NALF1: variants seen among roughly 807,000 people sequenced by gnomAD.
NALF1 encodes family with sequence similarity 155 member A.
A neutral mutation model predicts 48.4 loss-of-function variants in NALF1; 3 were observed. The ratio of observed to expected loss-of-function variants is 0.06; its 90% CI spans 0.03 to 0.16. The LOEUF is 0.16. Ranked by LOEUF, NALF1 falls within the 10% of genes least tolerant of loss-of-function variation. The pLI is 1.00. For synonymous variants in NALF1, 262 were observed against 245.7 expected (o/e 1.07, Z -0.62); for missense variants, 526 against 571.5 (o/e 0.92, Z 0.81).
At chr13:107,339,945 TA>T (rs1250871013) in intron 1 of NALF1, among the ~76,000 whole-genome samples, 1 of 152,194 alleles carries the variant, frequency 6.6e-6, no homozygotes, top group East Asian at 1.9e-4. Context: ...AAATTTTATT[TA>T]AAAAATTTCC....
At chr13:107,350,100 G>A (rs936202527) in intron 1 of NALF1, among the ~76,000 whole-genome samples, 39 of 152,086 alleles carry the variant, frequency 2.6e-4, no homozygotes, top group African/African-American at 9.2e-4. Flanking sequence ...GAGCTCAGGC[G>A]GTAATGCTCC....
chr13:107,261,656 C>T (rs117506340), intron 1 of NALF1, among the ~76,000 whole-genome samples: 4,110 of 152,148 alleles, frequency 0.027, 95 homozygotes, highest in Admixed American at 0.063. Flanking sequence ...GTTTTATCAT[C>T]TGGGGGTAGG....
At chr13:107,854,699 C>T (rs895217550) in intron 1 of NALF1, among the ~76,000 whole-genome samples, 4 of 151,896 alleles carry the variant, frequency 2.6e-5, no homozygotes, top group African/African-American at 7.3e-5. Flanking sequence ...GGCAAAACAC[C>T]GTCTCTACTA....
chr13:107,695,826 C>T (rs1408465620), intron 1 of NALF1, among the ~76,000 whole-genome samples: 1 of 151,800 alleles, frequency 6.6e-6, no homozygotes, highest in East Asian at 1.9e-4. Flanking sequence ...CTGCCTGGTT[C>T]AATCAATTTT....
intron 1 of NALF1, among the ~76,000 whole-genome samples, chr13:107,218,204 T>G (rs1003085783): frequency 6.6e-6 from 1 of 152,180 alleles, no homozygotes; most frequent in Non-Finnish European, 1.5e-5. Context: ...GTCCATCCTG[T>G]GTGACCTCAC....
chr13:107,571,954 A>ATCAT (rs1877997794), intron 1 of NALF1, among the ~76,000 whole-genome samples: 1 of 152,208 alleles, frequency 6.6e-6, no homozygotes, highest in Non-Finnish European at 1.5e-5. Flanking sequence ...ATTTGTAGAA[A>ATCAT]TCATATTGAG....
chr13:107,663,790 T>C (rs375112020), intron 1 of NALF1, among the ~76,000 whole-genome samples: 2 of 152,184 alleles, frequency 1.3e-5, no homozygotes, highest in African/African-American at 4.8e-5. Flanking sequence ...TGATCCCTTC[T>C]TATTTCATGC....
chr13:107,743,202 G>A (rs948006951), intron 1 of NALF1, among the ~76,000 whole-genome samples: 1 of 152,218 alleles, frequency 6.6e-6, no homozygotes, highest in Non-Finnish European at 1.5e-5. Context: ...TGAGTCTCAA[G>A]TTTTCAGAGC....
At chr13:107,720,587 T>C (rs1394240309) in intron 1 of NALF1, among the ~76,000 whole-genome samples, 2 of 150,624 alleles carry the variant, frequency 1.3e-5, no homozygotes, top group African/African-American at 2.4e-5. Context: ...CAGTAACATG[T>C]GCAGAATTAA....
At chr13:107,420,689 A>G (rs1479625640) in intron 1 of NALF1, among the ~76,000 whole-genome samples, 1 of 152,176 alleles carries the variant, frequency 6.6e-6, no homozygotes, top group African/African-American at 2.4e-5. Context: ...ATACCCATAC[A>G]AATATATGCT....
chr13:107,519,223 A>T (rs950212380), intron 1 of NALF1, among the ~76,000 whole-genome samples: 3 of 152,170 alleles, frequency 2.0e-5, no homozygotes, highest in Admixed American at 6.5e-5. Flanking sequence ...AAAATTCTCA[A>T]AGAGGAAAAA....
At chr13:107,380,902 T>C (rs1345297031) in intron 1 of NALF1, among the ~76,000 whole-genome samples, 13 of 144,476 alleles carry the variant, frequency 9.0e-5, no homozygotes, top group Non-Finnish European at 1.3e-4. Flanking sequence ...GGCATGAACC[T>C]GGGAGGCGGA....
chr13:107,617,875 T>G (rs940318183), intron 1 of NALF1, among the ~76,000 whole-genome samples: 22 of 152,254 alleles, frequency 1.4e-4, no homozygotes, highest in African/African-American at 5.3e-4. Flanking sequence ...GACACAGATA[T>G]TTGTGATCAC....
chr13:107,210,369 G>C (rs1879735912), intron 2 of NALF1, among the ~76,000 whole-genome samples: 2 of 152,126 alleles, frequency 1.3e-5, no homozygotes, highest in African/African-American at 2.4e-5. Flanking sequence ...AATAACTGTG[G>C]TCTCAGTTAC....
At chr13:107,504,349 T>G (rs1407516097) in intron 1 of NALF1, among the ~76,000 whole-genome samples, 2 of 151,952 alleles carry the variant, frequency 1.3e-5, no homozygotes, top group African/African-American at 2.4e-5. Flanking sequence ...AACAGCAGAT[T>G]TGTGGGATGT....
chr13:107,584,215 G>A (rs1386348819), intron 1 of NALF1, among the ~76,000 whole-genome samples: 1 of 152,140 alleles, frequency 6.6e-6, no homozygotes, highest in African/African-American at 2.4e-5. Context: ...ATAATCATCT[G>A]TGAATATAAG....
intron 1 of NALF1, among the ~76,000 whole-genome samples, chr13:107,441,480 T>C (rs1449050551): frequency 1.3e-5 from 2 of 152,102 alleles, no homozygotes; most frequent in Non-Finnish European, 1.5e-5. Context: ...GTGTGAATAA[T>C]GGGACTTAGT....
chr13:107,318,915 C>T (rs933735675), intron 1 of NALF1, among the ~76,000 whole-genome samples: 9 of 152,052 alleles, frequency 5.9e-5, no homozygotes, highest in Non-Finnish European at 1.2e-4. Flanking sequence ...ATAATTGCTG[C>T]CATTTGTATG....
At chr13:107,370,356 G>A (rs1308873798) in intron 1 of NALF1, among the ~76,000 whole-genome samples, 1 of 152,172 alleles carries the variant, frequency 6.6e-6, no homozygotes, top group African/African-American at 2.4e-5. Flanking sequence ...TCTGGAGTTT[G>A]CTTGGAGAGT....
Sources: gnomAD v4.1 joint callset for allele counts (sites outside exome capture counted in the v4.1 genomes callset) on GRCh38, gnomAD v4.1.1 for gene constraint, MANE v1.5 for transcripts, NCBI Gene and HGNC (gene_info 2026-07-23, HGNC 2026-07-21) for gene names.